PPFIA1: variants seen among roughly 807,000 people sequenced by gnomAD.
PPFIA1 encodes liprin-alpha-1.
Under a neutral mutation model 149.9 loss-of-function variants are expected in PPFIA1, and 25 were observed. That is an observed-to-expected ratio of 0.17 (90% CI 0.12 to 0.23). PPFIA1 has a LOEUF of 0.23. Among genes scored for constraint, PPFIA1 ranks in the 10% least tolerant of loss-of-function variants. The pLI, the probability that PPFIA1 is intolerant of heterozygous loss-of-function variation, is 1.00. For synonymous variants in PPFIA1, 549 were observed against 552.8 expected, an observed-to-expected ratio of 0.99 and a Z score of 0.10; for missense variants, 1,362 against 1,506.5, an observed-to-expected ratio of 0.90 and a Z score of 1.59.
intron 21 of PPFIA1, chr11:70,365,448 C>T (rs2056871707): frequency 4.4e-6 from 2 of 456,570 alleles, no homozygotes; most frequent in African/African-American, 2.0e-5. Flanking sequence ...TAGTCACGCC[C>T]CACAGCCTGC....
intron 11 of PPFIA1, among the ~76,000 whole-genome samples, chr11:70,336,672 A>G (rs937167347): frequency 6.6e-6 from 1 of 152,182 alleles, no homozygotes; most frequent in Non-Finnish European, 1.5e-5. Context: ...GACTCTGAGT[A>G]CTGTCATCAT....
At chr11:70,363,726 C>G (rs968728533) in intron 21 of PPFIA1, among the ~76,000 whole-genome samples, 1 of 152,136 alleles carries the variant, frequency 6.6e-6, no homozygotes, top group Admixed American at 6.5e-5. Flanking sequence ...GTTGACCAGG[C>G]TGGTCTGGAA....
At position 70,335,543 on chromosome 11, in the gene PPFIA1, CTT is replaced by C. The variant is rs759622368; in HGVS notation, c.1297-18_1297-17del. On this transcript the variant is annotated intron_variant, in intron 10 of 27. Transcript: ENST00000253925. ...GAGGATTTACGTGAGGTTTATAAGA[CTT>C]TGTTTCTCCTGCTTTAGGCAAGGCA... The C allele has an allele frequency of 3.1e-6, 5 of 1,611,936 alleles. No homozygotes were observed. In the South Asian group the frequency reaches 4.4e-5, roughly 14 times the overall value.
chr11:70,274,080 C>T (rs910172522), intron 2 of PPFIA1, among the ~76,000 whole-genome samples: 2 of 152,134 alleles, frequency 1.3e-5, no homozygotes, highest in South Asian at 2.1e-4. Context: ...ATGATGCCAA[C>T]GGTTCACGTT....
At chr11:70,334,867 C>A (rs573359646) in intron 10 of PPFIA1, among the ~76,000 whole-genome samples, 9 of 152,316 alleles carry the variant, frequency 5.9e-5, no homozygotes, top group African/African-American at 2.2e-4. Flanking sequence ...GCGATGAGGG[C>A]ATGGAGGTGC....
chr11:70,362,526 G>A, intron 21 of PPFIA1, 38 bp downstream of exon 21: 1 of 1,536,518 alleles, frequency 6.5e-7, no homozygotes, highest in Non-Finnish European at 8.8e-7. Context: ...TTTGGAAACA[G>A]GGAATGCCTC....
At chr11:70,318,352 T>C (rs2053753518) in intron 2 of PPFIA1, among the ~76,000 whole-genome samples, 1 of 152,220 alleles carries the variant, frequency 6.6e-6, no homozygotes, top group Non-Finnish European at 1.5e-5. Context: ...CCTCTGGATC[T>C]GCACCCCGCA....
intron 19 of PPFIA1, chr11:70,358,470 A>C (rs1490756185): frequency 6.6e-6 from 1 of 151,940 alleles, no homozygotes; most frequent in Non-Finnish European, 1.5e-5. Context: ...CGATCTGTCC[A>C]CCTCGGCCTC....
chr11:70,325,262 G>C (rs1367736200), intron 4 of PPFIA1: 1 of 433,060 alleles, frequency 2.3e-6, no homozygotes, highest in Non-Finnish European at 3.9e-6. Flanking sequence ...GGCAAAACCT[G>C]CAATTACTTT....
chr11:70,352,165 G>T (rs868538704), intron 16 of PPFIA1, among the ~76,000 whole-genome samples: 3 of 152,188 alleles, frequency 2.0e-5, no homozygotes, highest in Non-Finnish European at 4.4e-5. Flanking sequence ...GCTCTGTTGA[G>T]TGATTTAGTG....
intron 2 of PPFIA1, among the ~76,000 whole-genome samples, chr11:70,281,443 G>A (rs149913879): frequency 3.3e-5 from 5 of 152,260 alleles, no homozygotes; most frequent in Non-Finnish European, 7.4e-5. Context: ...CTTTCTTGGC[G>A]TGTCCTGGAG....
chr11:70,328,132 T>C (rs1172881162), intron 7 of PPFIA1, among the ~76,000 whole-genome samples: 1 of 152,178 alleles, frequency 6.6e-6, no homozygotes, highest in Non-Finnish European at 1.5e-5. Context: ...GTCTGTTACA[T>C]AAGTAAACTT....
chr11:70,333,424 A>G, intron 9 of PPFIA1, 46 bp from the exon 10 acceptor site: 1 of 1,478,468 alleles, frequency 6.8e-7, no homozygotes, highest in African/African-American at 1.4e-5. Context: ...GCATGTCGTT[A>G]ATGAAGTGTA....
chr11:70,279,722 GGTGTGTGTGTGTGTGTGTGTGTGT>G (rs71046599), intron 2 of PPFIA1, among the ~76,000 whole-genome samples: 1 of 135,394 alleles, frequency 7.4e-6, no homozygotes, highest in South Asian at 2.4e-4. Flanking sequence ...TATGTGTCTA[GGTGTGTGTGTGTGTGTGTGTGTGT>G]GTGTGTGTGT....
intron 26 of PPFIA1, 117 bp downstream of exon 26, chr11:70,378,312 G>A: frequency 7.2e-7 from 1 of 1,382,878 alleles, no homozygotes; most frequent in South Asian, 2.2e-5. Flanking sequence ...ACTTGAGTAT[G>A]GTTGCATGTC....
chr11:70,306,766 G>A (rs1236433202), intron 2 of PPFIA1, among the ~76,000 whole-genome samples: 1 of 152,210 alleles, frequency 6.6e-6, no homozygotes, highest in Non-Finnish European at 1.5e-5. Flanking sequence ...TACGTAATAA[G>A]AGAAAAGGTA....
chr11:70,333,119 T>G (rs1450856103), intron 9 of PPFIA1: 2 of 474,208 alleles, frequency 4.2e-6, no homozygotes, highest in East Asian at 6.4e-5. Flanking sequence ...CACTGCTCCT[T>G]GCTTGTGCTT....
rs1281608892 is a variant in PPFIA1, at chr11:70,270,743, G to A, written c.-172G>A. The A allele has an allele frequency of 6.6e-6, 1 of 150,828 alleles. No individual in the cohort carries two copies. The highest frequency in any genetic ancestry group is 2.0e-4 in the East Asian group (1 of 5,114). The allele number at this position is 150,828 out of a possible 1,614,324, so 9.3% of individuals were successfully genotyped here. A position where few individuals can be genotyped will look rare whatever the true frequency, so the allele number is the denominator to read the frequency against. On this transcript the variant is annotated 5_prime_UTR_variant, in exon 1 of 28. Transcript: ENST00000253925. ...CTCCTCCTCCGCTCCGCCAGTGTCCGGCCGCGGGCCGGCCTTAGTGACTGG... is the reference window on the plus strand; with the variant it reads ...CTCCTCCTCCGCTCCGCCAGTGTCCAGCCGCGGGCCGGCCTTAGTGACTGG...
chr11:70,290,055 C>T (rs1327378443), intron 2 of PPFIA1, among the ~76,000 whole-genome samples: 1 of 151,952 alleles, frequency 6.6e-6, no homozygotes, highest in Non-Finnish European at 1.5e-5. Context: ...ATGGTGAAAC[C>T]CCATCTCTAC....
Sources: allele counts gnomAD v4.1 joint callset (sites outside exome capture counted in the v4.1 genomes callset), GRCh38; gene constraint gnomAD v4.1.1; transcripts MANE v1.5; gene names NCBI Gene and HGNC (gene_info 2026-07-23, HGNC 2026-07-21).